Variants in IQCM observed in about 807,000 individuals in gnomAD.
IQCM encodes IQ domain-containing protein M.
Under a neutral mutation model 57.6 loss-of-function variants are expected in IQCM, and 45 were observed. The observed-to-expected ratio is 0.78, with a 90% CI of 0.62 to 1.00. IQCM has a LOEUF of 1.00. Among genes scored for constraint, IQCM ranks in the 50% least tolerant of loss-of-function variants. The pLI is 0.00. For missense variants in IQCM, 468 were observed against 511.6 expected, an observed-to-expected ratio of 0.91 and a Z score of 0.82; for synonymous variants, 148 against 158.9, an observed-to-expected ratio of 0.93 and a Z score of 0.51.
chr4:149,713,066 C>T (rs1764696592), intron 5 of IQCM, among the ~76,000 whole-genome samples: 2 of 151,426 alleles, frequency 1.3e-5, no homozygotes, highest in South Asian at 4.1e-4. Flanking sequence ...GGATTTTCTA[C>T]TGAAGTCCTA....
intron 7 of IQCM, among the ~76,000 whole-genome samples, chr4:149,642,089 G>A (rs576049875): frequency 7.9e-5 from 12 of 152,232 alleles, no homozygotes; most frequent in South Asian, 2.1e-4. Flanking sequence ...ATGCTTGCAC[G>A]GAGAGTTGCT....
intron 2 of IQCM, among the ~76,000 whole-genome samples, chr4:149,779,101 C>T (rs1301308200): frequency 6.6e-6 from 1 of 152,058 alleles, no homozygotes; most frequent in Non-Finnish European, 1.5e-5. Context: ...AAATAAAATT[C>T]AGCAAATATT....
chr4:149,518,789 A>C (rs1424951437), intron 12 of IQCM, among the ~76,000 whole-genome samples: 1 of 152,190 alleles, frequency 6.6e-6, no homozygotes, highest in East Asian at 1.9e-4. Context: ...AGGGAGAGAG[A>C]GAGAGAAATG....
chr4:149,532,958 A>C (rs1165563959), intron 12 of IQCM, among the ~76,000 whole-genome samples: 1 of 152,196 alleles, frequency 6.6e-6, no homozygotes, highest in Non-Finnish European at 1.5e-5. Context: ...GTGGGAAGAC[A>C]GCAGGCTATT....
intron 12 of IQCM, among the ~76,000 whole-genome samples, chr4:149,539,557 A>G (rs1010802141): frequency 1.3e-5 from 2 of 152,142 alleles, no homozygotes; most frequent in African/African-American, 2.4e-5. Flanking sequence ...TTATAACTCA[A>G]TTGAGATGTT....
intron 12 of IQCM, among the ~76,000 whole-genome samples, chr4:149,539,165 A>G (rs923126739): frequency 7.9e-5 from 12 of 152,214 alleles, no homozygotes; most frequent in South Asian, 2.1e-4. Flanking sequence ...ATGTCCATCA[A>G]CTAATGAGTA....
At chr4:149,583,291 T>C (rs1752375342) in intron 9 of IQCM, among the ~76,000 whole-genome samples, 1 of 151,576 alleles carries the variant, frequency 6.6e-6, no homozygotes, top group Non-Finnish European at 1.5e-5. Flanking sequence ...ACTTCATAGA[T>C]GGTAAATTTA....
intron 12 of IQCM, among the ~76,000 whole-genome samples, chr4:149,453,737 C>T (rs974207100): frequency 2.6e-5 from 4 of 151,720 alleles, no homozygotes; most frequent in Non-Finnish European, 5.9e-5. Context: ...CAAAGATTAT[C>T]GAGAAGTTAG....
At chr4:149,781,417 T>C (rs1285357605) in intron 2 of IQCM, among the ~76,000 whole-genome samples, 2 of 152,144 alleles carry the variant, frequency 1.3e-5, no homozygotes, top group African/African-American at 4.8e-5. Context: ...ATATGCTACG[T>C]TTATGCTACC....
chr4:149,626,430 A>AATCCTGT (rs368164851), intron 7 of IQCM, among the ~76,000 whole-genome samples: 1 of 141,298 alleles, frequency 7.1e-6, no homozygotes, highest in East Asian at 2.1e-4. Context: ...AAGACATACT[A>AATCCTGT]TTTTGCTATC....
Position 149,351,865 on chromosome 4 carries a change from C to G in IQCM, c.*86G>C. The G allele has an allele frequency of 2.5e-6, 1 of 397,116 alleles. No homozygotes were observed. The allele number at this position is 397,116 out of a possible 1,614,324, so 24.6% of individuals were successfully genotyped here. Reference sequence around the variant, plus strand: ...AAGATTTTTATCCTTTCTTCCTACTCATACAGAATTGATCCACCTCCAGTG... The same window carrying G: ...AAGATTTTTATCCTTTCTTCCTACTGATACAGAATTGATCCACCTCCAGTG... On this transcript the variant is annotated 3_prime_UTR_variant, in exon 14 of 14. Transcript: ENST00000636793.
intron 8 of IQCM, among the ~76,000 whole-genome samples, chr4:149,589,909 T>G (rs941387011): frequency 6.6e-6 from 1 of 152,058 alleles, no homozygotes; most frequent in East Asian, 1.9e-4. Context: ...AGAAAAAAAT[T>G]GTTAATCTTG....
intron 12 of IQCM, among the ~76,000 whole-genome samples, chr4:149,547,977 C>G (rs1167148660): frequency 6.6e-6 from 1 of 152,018 alleles, no homozygotes; most frequent in African/African-American, 2.4e-5. Context: ...CAATATTTTT[C>G]ATGTATTATT....
At chr4:149,812,568 A>C (rs1205136061) in intron 2 of IQCM, among the ~76,000 whole-genome samples, 1 of 151,820 alleles carries the variant, frequency 6.6e-6, no homozygotes, top group Non-Finnish European at 1.5e-5. Flanking sequence ...TTCCTCAAAC[A>C]GTATTTACAG....
chr4:149,411,315 T>C (rs893690949), intron 13 of IQCM, among the ~76,000 whole-genome samples: 12 of 152,166 alleles, frequency 7.9e-5, no homozygotes, highest in African/African-American at 2.9e-4. Context: ...AACAGAATTG[T>C]TTAACAGTTC....
At chr4:149,710,781 T>G (rs1194375126) in intron 5 of IQCM, among the ~76,000 whole-genome samples, 2 of 152,180 alleles carry the variant, frequency 1.3e-5, no homozygotes, top group Non-Finnish European at 2.9e-5. Context: ...TTAGGTGCCA[T>G]TTCTTTTCTG....
intron 7 of IQCM, among the ~76,000 whole-genome samples, chr4:149,674,628 G>GAA (rs369025459): frequency 6.6e-6 from 1 of 151,898 alleles, no homozygotes; most frequent in Non-Finnish European, 1.5e-5. Context: ...AATCTCCAAA[G>GAA]AAAAAAACCT....
At chr4:149,393,499 T>C (rs1261385100) in intron 13 of IQCM, among the ~76,000 whole-genome samples, 1 of 151,860 alleles carries the variant, frequency 6.6e-6, no homozygotes, top group African/African-American at 2.4e-5. Context: ...AAATAGTGGA[T>C]AAGAATTTTT....
rs71596217 is a variant in IQCM at position 149,812,503 on chromosome 4, G to GACAC, written c.-49+2804_-49+2807dup. Among the ~76,000 whole-genome samples the GACAC allele has an allele frequency of 3.0e-4, 39 of 132,102 alleles. No individual in the cohort carries two copies. In the East Asian group the frequency reaches 3.3e-3, roughly 11 times the overall value. The allele number at this position is 132,102 out of a possible 152,430, so 86.7% of individuals were successfully genotyped here. A position where few individuals can be genotyped will look rare whatever the true frequency, so the allele number is the denominator to read the frequency against. On this transcript the variant is annotated intron_variant, in intron 2 of 13. Coordinates refer to ENST00000636793, the MANE Select transcript of IQCM (RefSeq NM_001363507.2). ...TCTCACACACACACACACACACACA[G>GACAC]ACACACACACACACACACACACACA... is the stretch of plus-strand genomic sequence containing the variant.
Sources: gnomAD v4.1 joint callset for allele counts (sites outside exome capture counted in the v4.1 genomes callset) on GRCh38, gnomAD v4.1.1 for gene constraint, MANE v1.5 for transcripts, NCBI Gene and HGNC (gene_info 2026-07-23, HGNC 2026-07-21) for gene names.